The following HS6ST2 variants were observed in gnomAD, a reference collection of about 807,000 sequenced individuals.
The protein encoded by HS6ST2 is heparan-sulfate 6-O-sulfotransferase 2.
Under a neutral mutation model 33.0 loss-of-function variants are expected in HS6ST2, and 17 were observed. The observed-to-expected ratio is 0.52, with a 90% CI of 0.35 to 0.77. The LOEUF is 0.77. Ranked by LOEUF, HS6ST2 falls within the 30% of genes least tolerant of loss-of-function variation. The pLI is 0.01. For synonymous variants in HS6ST2, 248 were observed against 237.1 expected, an observed-to-expected ratio of 1.05 and a Z score of -0.42; for missense variants, 519 against 551.7, an observed-to-expected ratio of 0.94 and a Z score of 0.59.
At chrX:132,676,973 T>C (rs936470066) in intron 3 of HS6ST2, among the ~76,000 whole-genome samples, 5 of 112,403 alleles carry the variant, frequency 4.4e-5, no homozygotes. Flanking sequence ...TCCTCTTTCC[T>C]GGGGAAGTGG....
intron 3 of HS6ST2, among the ~76,000 whole-genome samples, chrX:132,700,533 C>CATATAT (rs201749878): frequency 0.01 from 1,031 of 102,098 alleles, 12 homozygotes; most frequent in African/African-American, 0.034. Flanking sequence ...CACATAAGAT[C>CATATAT]ATATATATAT....
intron 2 of HS6ST2, among the ~76,000 whole-genome samples, chrX:132,895,831 G>A (rs1462269690): frequency 1.8e-5 from 2 of 110,457 alleles, no homozygotes; most frequent in Non-Finnish European, 3.8e-5. Flanking sequence ...GACTGACAGT[G>A]ACTCTGAATG....
At chrX:132,787,230 CAT>C (rs1393433756) in intron 2 of HS6ST2, among the ~76,000 whole-genome samples, 4 of 79,103 alleles carry the variant, frequency 5.1e-5, no homozygotes, top group Admixed American at 1.5e-4. Flanking sequence ...TATATATACA[CAT>C]ATATATACAT....
intron 2 of HS6ST2, among the ~76,000 whole-genome samples, chrX:132,826,890 C>G (rs753378407): frequency 9.0e-6 from 1 of 111,269 alleles, no homozygotes; most frequent in East Asian, 2.8e-4. Context: ...GACCTGTCTA[C>G]AGAGTCCTGG....
chrX:132,814,285 C>T (rs1226819862), intron 2 of HS6ST2, among the ~76,000 whole-genome samples: 1 of 111,694 alleles, frequency 9.0e-6, no homozygotes, highest in Non-Finnish European at 1.9e-5. Context: ...AACGTCCAAG[C>T]TGGTACAGAA....
intron 2 of HS6ST2, among the ~76,000 whole-genome samples, chrX:132,711,652 A>G (rs954994226): frequency 1.8e-5 from 2 of 111,759 alleles, no homozygotes; most frequent in African/African-American, 6.5e-5. Context: ...TAGTTCACAG[A>G]GCCCAGAGCA....
intron 3 of HS6ST2, among the ~76,000 whole-genome samples, chrX:132,705,023 G>T (rs960206863): frequency 9.0e-6 from 1 of 111,540 alleles, no homozygotes; most frequent in Non-Finnish European, 1.9e-5. Flanking sequence ...GGTTGGAGAG[G>T]TCAATTTGGG....
At chrX:132,792,790 A>G (rs1452848395) in intron 2 of HS6ST2, among the ~76,000 whole-genome samples, 1 of 111,509 alleles carries the variant, frequency 9.0e-6, no homozygotes, top group Non-Finnish European at 1.9e-5. Flanking sequence ...CACTTAGTGT[A>G]ATGTCTCCAT....
chrX:132,762,221 T>C (rs2064809563), intron 2 of HS6ST2, among the ~76,000 whole-genome samples: 1 of 111,655 alleles, frequency 9.0e-6, no homozygotes, highest in African/African-American at 3.3e-5. Flanking sequence ...TCAAATTCAG[T>C]AATTCTAATG....
intron 2 of HS6ST2, chrX:132,708,705 G>A: frequency 2.9e-6 from 1 of 345,159 alleles, no homozygotes; most frequent in Non-Finnish European, 5.1e-6. Context: ...AAAGGGGCAA[G>A]GCTGCACTGA....
intron 3 of HS6ST2, among the ~76,000 whole-genome samples, chrX:132,695,293 T>C (rs966062875): frequency 4.5e-5 from 5 of 111,594 alleles, no homozygotes; most frequent in African/African-American, 1.3e-4. Context: ...GAAAGTACTA[T>C]GGTAATGGGT....
chrX:132,633,846 C>T (rs2063535748), intron 4 of HS6ST2, among the ~76,000 whole-genome samples: 1 of 111,763 alleles, frequency 8.9e-6, no homozygotes, highest in South Asian at 3.8e-4. Context: ...AAGTGCATTC[C>T]ACTTTATTGG....
intron 2 of HS6ST2, among the ~76,000 whole-genome samples, chrX:132,956,583 C>A (rs1341712101): frequency 8.9e-6 from 1 of 112,723 alleles, no homozygotes; most frequent in Admixed American, 9.2e-5. Context: ...ACGCAGGCCA[C>A]CCTGCGGACA....
intron 2 of HS6ST2, among the ~76,000 whole-genome samples, chrX:132,743,324 G>A (rs1019887771): frequency 1.8e-5 from 2 of 111,997 alleles, no homozygotes; most frequent in Non-Finnish European, 3.8e-5. Context: ...AATGAGTGGG[G>A]CAGGGTTATG....
At chrX:132,696,642 G>A (rs2064106858) in intron 3 of HS6ST2, among the ~76,000 whole-genome samples, 1 of 111,894 alleles carries the variant, frequency 8.9e-6, no homozygotes, top group South Asian at 3.8e-4. Flanking sequence ...TTTGGCAGAT[G>A]TTCTACTGTT....
chrX:132,753,865 A>G (rs1269177464), intron 2 of HS6ST2, among the ~76,000 whole-genome samples: 1 of 112,154 alleles, frequency 8.9e-6, no homozygotes, highest in Non-Finnish European at 1.9e-5. Context: ...TTTGTATTTT[A>G]GAATAGTTTT....
chrX:132,803,634 C>T (rs1398479525), intron 2 of HS6ST2, among the ~76,000 whole-genome samples: 1 of 111,552 alleles, frequency 9.0e-6, no homozygotes, highest in African/African-American at 3.3e-5. Context: ...GTCTCGAACT[C>T]CTGGCCTCAA....
At chrX:132,653,731 C>T (rs1034253696) in intron 4 of HS6ST2, among the ~76,000 whole-genome samples, 6 of 111,829 alleles carry the variant, frequency 5.4e-5, no homozygotes, top group African/African-American at 1.9e-4. Flanking sequence ...CTTAAAAGAA[C>T]TGTGCACTAC....
chrX:132,942,059 C>A (rs1332446571), intron 2 of HS6ST2, among the ~76,000 whole-genome samples: 2 of 111,754 alleles, frequency 1.8e-5, no homozygotes. Flanking sequence ...GCCTACTATG[C>A]ATCATTCACA....
Sources: gnomAD v4.1 joint callset for allele counts (sites outside exome capture counted in the v4.1 genomes callset) on GRCh38, gnomAD v4.1.1 for gene constraint, MANE v1.5 for transcripts, NCBI Gene and HGNC (gene_info 2026-07-23, HGNC 2026-07-21) for gene names.